KCNIP4: variants seen among roughly 807,000 people sequenced by gnomAD.
The protein encoded by KCNIP4 is Kv channel-interacting protein 4.
In KCNIP4, 12 loss-of-function variants were observed where a neutral mutation model predicts 34.0. The ratio of observed to expected loss-of-function variants is 0.35; its 90% CI spans 0.23 to 0.57. The LOEUF is 0.57. Among genes scored for constraint, KCNIP4 ranks in the 20% least tolerant of loss-of-function variants. KCNIP4 has a pLI of 0.83. For synonymous variants in KCNIP4, 124 were observed against 102.2 expected (o/e 1.21, Z -1.29); for missense variants, 238 against 311.7 (o/e 0.76, Z 1.78).
In KCNIP4 at chr4:21,485,083, C is replaced by T. The variant is rs1185357330; in HGVS notation, c.61+463488G>A. Among the ~76,000 whole-genome samples, 4 of 152,244 alleles carry T rather than the reference C, an allele frequency of 2.6e-5. No homozygotes were observed. In the South Asian group the frequency reaches 6.2e-4, roughly 24 times the overall value. ...TGGAGGGCAAAATTCATAGTTGTCG[C>T]TTCACATGTGAATTAGCAAGGAGGC... On this transcript the variant is annotated intron_variant, in intron 1 of 8. Coordinates refer to ENST00000382152, the MANE Select transcript of KCNIP4 (RefSeq NM_025221.6).
At chr4:21,868,915 T>C (rs1725592310) in intron 1 of KCNIP4, among the ~76,000 whole-genome samples, 1 of 152,182 alleles carries the variant, frequency 6.6e-6, no homozygotes, top group Admixed American at 6.5e-5. Context: ...GTTTATAAAA[T>C]AGGCTGACGG....
At chr4:21,861,724 T>C (rs1015243676) in intron 1 of KCNIP4, among the ~76,000 whole-genome samples, 6 of 150,754 alleles carry the variant, frequency 4.0e-5, no homozygotes, top group Non-Finnish European at 7.4e-5. Flanking sequence ...ATTGAGTCCA[T>C]AGCCTCTGTC....
chr4:21,813,673 G>GA (rs1560733709), intron 1 of KCNIP4, among the ~76,000 whole-genome samples: 2 of 152,058 alleles, frequency 1.3e-5, no homozygotes, highest in Non-Finnish European at 2.9e-5. Flanking sequence ...TAGTTGCATA[G>GA]AAAAACCCTT....
chr4:21,635,475 G>A lies in KCNIP4; in HGVS notation c.61+313096C>T, dbSNP rs896673773. ...TGGAAAGATCCATCAAAAAGTGGGC[G>A]AAGGACATGAACAGACACTTCTCAA... On this transcript the variant is annotated intron_variant, in intron 1 of 8. Coordinates refer to ENST00000382152, the MANE Select transcript of KCNIP4 (RefSeq NM_025221.6). 4.2e-4 allele frequency among the ~76,000 whole-genome samples: 64 copies of A among 152,066 alleles called. 1 individual carries two copies. Among genetic ancestry groups the A allele is most frequent in the Non-Finnish European group, 3.1e-4 (21 of 67,992 alleles).
chr4:21,108,649 G>T (rs1425506633), intron 1 of KCNIP4, among the ~76,000 whole-genome samples: 3 of 151,714 alleles, frequency 2.0e-5, no homozygotes, highest in Non-Finnish European at 2.9e-5. Flanking sequence ...GAGGAACTGC[G>T]TTCCTTTGGA....
chr4:20,809,333 T>C (rs1228886833), intron 3 of KCNIP4, among the ~76,000 whole-genome samples: 1 of 152,168 alleles, frequency 6.6e-6, no homozygotes, highest in Non-Finnish European at 1.5e-5. Flanking sequence ...TAAAAGGTTG[T>C]TAGGGTTGGG....
At chr4:21,635,786 T>C (rs1243489734) in intron 1 of KCNIP4, among the ~76,000 whole-genome samples, 1 of 152,144 alleles carries the variant, frequency 6.6e-6, no homozygotes, top group East Asian at 1.9e-4. Context: ...ATCCCATTAC[T>C]GGGTATATAC....
At chr4:21,041,145 T>C (rs745958848) in intron 1 of KCNIP4, among the ~76,000 whole-genome samples, 4 of 151,932 alleles carry the variant, frequency 2.6e-5, no homozygotes, top group Non-Finnish European at 4.4e-5. Context: ...TGATGACACA[T>C]ATAATAGTGA....
intron 1 of KCNIP4, among the ~76,000 whole-genome samples, chr4:21,153,080 C>A (rs1752875893): frequency 6.6e-6 from 1 of 152,126 alleles, no homozygotes; most frequent in African/African-American, 2.4e-5. Context: ...CCATTACAAA[C>A]AATATCCTAA....
At chr4:21,435,461 T>A (rs1474304850) in intron 1 of KCNIP4, among the ~76,000 whole-genome samples, 1 of 152,184 alleles carries the variant, frequency 6.6e-6, no homozygotes, top group Non-Finnish European at 1.5e-5. Context: ...CACCTCTTCA[T>A]TGTTTATCAG....
intron 1 of KCNIP4, among the ~76,000 whole-genome samples, chr4:21,506,626 C>T (rs1733867464): frequency 6.6e-6 from 1 of 152,114 alleles, no homozygotes; most frequent in Non-Finnish European, 1.5e-5. Flanking sequence ...CATTTCTTTA[C>T]CCCCATACTT....
chr4:21,090,115 G>T (rs1391639479), intron 1 of KCNIP4, among the ~76,000 whole-genome samples: 2 of 151,992 alleles, frequency 1.3e-5, no homozygotes, highest in African/African-American at 4.8e-5. Flanking sequence ...CCTCTCCCCT[G>T]CCCATGCCGT....
intron 3 of KCNIP4, among the ~76,000 whole-genome samples, chr4:20,828,154 C>A (rs1465557808): frequency 6.6e-6 from 1 of 152,162 alleles, no homozygotes; most frequent in African/African-American, 2.4e-5. Flanking sequence ...AGGGATCAGG[C>A]GCGGTGGCTC....
intron 1 of KCNIP4, among the ~76,000 whole-genome samples, chr4:21,603,189 C>A (rs1743343829): frequency 6.6e-6 from 1 of 152,088 alleles, no homozygotes; most frequent in Admixed American, 6.6e-5. Flanking sequence ...TATTTACTAA[C>A]TTTGCAGTTG....
At chr4:21,725,498 T>G (rs1305893352) in intron 1 of KCNIP4, among the ~76,000 whole-genome samples, 1 of 152,164 alleles carries the variant, frequency 6.6e-6, no homozygotes, top group Non-Finnish European at 1.5e-5. Context: ...ACACAATTGC[T>G]ATCTATGATG....
At chr4:21,296,024 T>C (rs947537951) in intron 1 of KCNIP4, among the ~76,000 whole-genome samples, 2 of 152,166 alleles carry the variant, frequency 1.3e-5, no homozygotes, top group East Asian at 3.9e-4. Flanking sequence ...CAGATGAACT[T>C]GCAAGAATGG....
chr4:21,095,589 G>C (rs1747390979), intron 1 of KCNIP4, among the ~76,000 whole-genome samples: 1 of 151,846 alleles, frequency 6.6e-6, no homozygotes, highest in African/African-American at 2.4e-5. Flanking sequence ...GCAATAACTA[G>C]AATATAAACT....
intron 1 of KCNIP4, among the ~76,000 whole-genome samples, chr4:20,946,148 G>A (rs1409416313): frequency 6.6e-6 from 1 of 152,094 alleles, no homozygotes; most frequent in Non-Finnish European, 1.5e-5. Flanking sequence ...GTGGTGGTGG[G>A]TAGGAGGACA....
chr4:21,350,838 T>C (rs1051568881), intron 1 of KCNIP4, among the ~76,000 whole-genome samples: 1 of 152,184 alleles, frequency 6.6e-6, no homozygotes, highest in Non-Finnish European at 1.5e-5. Flanking sequence ...AGTAAGAGTA[T>C]ACTAGCATAT....
Sources: gnomAD v4.1 joint callset for allele counts (sites outside exome capture counted in the v4.1 genomes callset) on GRCh38, gnomAD v4.1.1 for gene constraint, MANE v1.5 for transcripts, NCBI Gene and HGNC (gene_info 2026-07-23, HGNC 2026-07-21) for gene names.